Variants in IMPA2 observed in about 807,000 individuals in gnomAD.
IMPA2 encodes IMP 2.
A neutral mutation model predicts 35.1 loss-of-function variants in IMPA2; 32 were observed. The observed-to-expected ratio is 0.91, with a 90% CI of 0.69 to 1.23. The LOEUF is 1.23. Ranked by LOEUF, IMPA2 falls within the 50% of genes most tolerant of loss-of-function variation. IMPA2 has a pLI of 0.00. For synonymous variants in IMPA2, 135 were observed against 160.6 expected (o/e 0.84, Z 1.20); for missense variants, 334 against 387.6 (o/e 0.86, Z 1.16).
chr18:12,025,205 T>C (rs1907847742), intron 5 of IMPA2, among the ~76,000 whole-genome samples: 1 of 152,182 alleles, frequency 6.6e-6, no homozygotes, highest in Admixed American at 6.5e-5. Context: ...TTGTCATGCT[T>C]TCTCATTTCC....
intron 5 of IMPA2, among the ~76,000 whole-genome samples, chr18:12,023,175 G>A (rs1343491540): frequency 6.6e-6 from 1 of 152,184 alleles, no homozygotes; most frequent in Non-Finnish European, 1.5e-5. Context: ...GCCAGAAGAA[G>A]AAGGTGCTGG....
At chr18:12,024,349 T>C (rs1907818076) in intron 5 of IMPA2, among the ~76,000 whole-genome samples, 1 of 152,126 alleles carries the variant, frequency 6.6e-6, no homozygotes, top group African/African-American at 2.4e-5. Context: ...CTGGGCATGG[T>C]GGTGCGCACC....
At chr18:12,022,251 G>A (rs1568037956) in intron 5 of IMPA2, among the ~76,000 whole-genome samples, 1 of 151,974 alleles carries the variant, frequency 6.6e-6, no homozygotes, top group East Asian at 1.9e-4. Flanking sequence ...TATACATTAG[G>A]CCGGGCCCGG....
intron 2 of IMPA2, among the ~76,000 whole-genome samples, chr18:11,999,757 C>T (rs1907066244): frequency 6.6e-6 from 1 of 152,272 alleles, no homozygotes; most frequent in Non-Finnish European, 1.5e-5. Flanking sequence ...GTATGAGCAC[C>T]TCTTAACCTT....
chr18:12,008,133 G>A (rs1353852502), intron 2 of IMPA2, among the ~76,000 whole-genome samples: 3 of 151,934 alleles, frequency 2.0e-5, no homozygotes, highest in Non-Finnish European at 2.9e-5. Context: ...GTAGCTGGGA[G>A]TACAGGCGCC....
chr18:12,009,784 T>G, intron 2 of IMPA2, 99 bp from the exon 3 acceptor site: 1 of 841,152 alleles, frequency 1.2e-6, no homozygotes, highest in Non-Finnish European at 2.0e-6. Flanking sequence ...GACATCTGTT[T>G]GCTGTGCCAC....
intron 1 of IMPA2, among the ~76,000 whole-genome samples, chr18:11,986,874 A>G (rs577777781): frequency 1.3e-5 from 2 of 152,358 alleles, no homozygotes; most frequent in African/African-American, 4.8e-5. Context: ...GTGGGTGTCC[A>G]TGTCCATGTT....
intron 2 of IMPA2, among the ~76,000 whole-genome samples, chr18:12,006,059 C>T (rs980267498): frequency 3.9e-5 from 6 of 152,126 alleles, no homozygotes; most frequent in Non-Finnish European, 7.3e-5. Flanking sequence ...TCTTTAAAAA[C>T]GTCATTGCAA....
At chr18:11,999,722 C>A (rs1183323935) in intron 2 of IMPA2, among the ~76,000 whole-genome samples, 1 of 152,262 alleles carries the variant, frequency 6.6e-6, no homozygotes, top group Non-Finnish European at 1.5e-5. Context: ...CAGCCGGGCC[C>A]CAGAGCTGTC....
intron 1 of IMPA2, among the ~76,000 whole-genome samples, chr18:11,997,053 A>G (rs1906979327): frequency 6.6e-6 from 1 of 152,010 alleles, no homozygotes; most frequent in African/African-American, 2.4e-5. Flanking sequence ...GACTCCCCCC[A>G]TACCACATGA....
In IMPA2 at chr18:12,014,245, C is replaced by T. The variant is rs763489399; in HGVS notation, c.382-20C>T. The T allele has an allele frequency of 1.3e-6, 2 of 1,568,400 alleles. No individual in the cohort carries two copies. Among genetic ancestry groups the T allele is most frequent in the East Asian group, 2.2e-5 (1 of 44,652 alleles). On this transcript the variant is annotated intron_variant, in intron 4 of 7. Transcript: ENST00000269159. ...CGAGTGAACCATCTTTGTTTTCTGT[C>T]CTGCCTCTGCCGCCCACAGCTTGAA...
chr18:12,006,223 G>A (rs1024824997), intron 2 of IMPA2, among the ~76,000 whole-genome samples: 2 of 152,198 alleles, frequency 1.3e-5, no homozygotes, highest in African/African-American at 4.8e-5. Flanking sequence ...GGCTGCTGTT[G>A]TCAGGAGGCA....
Position 12,012,218 on chromosome 18 carries a change from G to A in IMPA2, c.381+3G>A, listed in dbSNP as rs1907453696. 3 of 1,613,872 alleles carry A rather than the reference G, an allele frequency of 1.9e-6. No individual in the cohort carries two copies. Among genetic ancestry groups the A allele is most frequent in the Admixed American group, 1.7e-5 (1 of 60,006 alleles). ...TTGGATTTGCTGTTCGACAAGAGGT[G>A]CGGGTGTGGCCCAGGTCCCCAGGGC... On this transcript the variant is annotated splice_donor_region_variant and intron_variant, in intron 4 of 7. Transcript: ENST00000269159.
rs920148934 is a variant in IMPA2 at position 11,991,658 on chromosome 18, G to C, written c.97-7396G>C. 2.0e-5 allele frequency among the ~76,000 whole-genome samples: 3 copies of C among 152,146 alleles called. No homozygotes were observed. Among genetic ancestry groups the C allele is most frequent in the Admixed American group, 1.3e-4 (2 of 15,274 alleles). ...GATGTTCCAGTTTGAAGGCCATAGG[G>C]CAGGAAGAGTTGTTCATGTGGACAG... On this transcript the variant is annotated intron_variant, in intron 1 of 7. Coordinates refer to ENST00000269159, the MANE Select transcript of IMPA2 (RefSeq NM_014214.3). The surrounding 1 kb of genome is among the most constrained non-coding windows in gnomAD (Gnocchi z 4.1).
chr18:12,027,982 T>C, intron 5 of IMPA2, 61 bp from the exon 6 acceptor site: 1 of 1,052,336 alleles, frequency 9.5e-7, no homozygotes, highest in Non-Finnish European at 1.5e-6. Context: ...TGGAAGCCTG[T>C]ACTCCTTAGT....
chr18:11,994,390 A>G (rs1456857257), intron 1 of IMPA2: 2 of 152,302 alleles, frequency 1.3e-5, no homozygotes, highest in East Asian at 1.9e-4. Flanking sequence ...GAAAAATAAC[A>G]ACAGAGCATA....
intron 2 of IMPA2, among the ~76,000 whole-genome samples, chr18:12,002,763 C>CA (rs57245640): frequency 0.54 from 74,130 of 136,786 alleles, 22,301 homozygotes; most frequent in Non-Finnish European, 0.69. Flanking sequence ...GACCTTGTCT[C>CA]AAAAAAAAAA....
At chr18:11,983,700 G>C (rs955387897) in intron 1 of IMPA2, among the ~76,000 whole-genome samples, 1 of 152,018 alleles carries the variant, frequency 6.6e-6, no homozygotes. Context: ...AGCCCGGGCC[G>C]CCCGGGGCTC....
At chr18:11,993,812 G>A (rs898086292) in intron 1 of IMPA2, among the ~76,000 whole-genome samples, 2 of 152,222 alleles carry the variant, frequency 1.3e-5, no homozygotes, top group African/African-American at 4.8e-5. Flanking sequence ...AGGTACAGGA[G>A]GGAGGACACT....
Sources: gnomAD v4.1 joint callset for allele counts (sites outside exome capture counted in the v4.1 genomes callset) on GRCh38, gnomAD v4.1.1 for gene constraint, Gnocchi (gnomAD v3.1) non-coding constraint, MANE v1.5 for transcripts, NCBI Gene and HGNC (gene_info 2026-07-23, HGNC 2026-07-21) for gene names.